The following NSUN6 variants were observed in gnomAD, a reference collection of about 807,000 sequenced individuals.
NSUN6 encodes NOP2/Sun RNA methyltransferase 6.
In NSUN6, 64 loss-of-function variants were observed where a neutral mutation model predicts 58.0. The observed-to-expected ratio is 1.10, with a 90% CI of 0.90 to 1.36. The LOEUF (loss-of-function observed/expected upper bound fraction) is 1.36, where lower values mean the gene tolerates loss of function less well. Ranked by LOEUF, NSUN6 falls within the 40% of genes most tolerant of loss-of-function variation. The probability of loss-of-function intolerance (pLI) is 0.00; values close to 1 mark genes in which losing one functional copy is unlikely to be tolerated. For missense variants in NSUN6, 701 were observed against 550.1 expected (o/e 1.27, Z -2.74); for synonymous variants, 231 against 193.9 (o/e 1.19, Z -1.59).
chr10:18,598,068 T>C (rs1276897685), intron 6 of NSUN6, among the ~76,000 whole-genome samples: 1 of 152,166 alleles, frequency 6.6e-6, no homozygotes, highest in Non-Finnish European at 1.5e-5. Context: ...GAAGTGAAAT[T>C]AGCTTTAACT....
At position 18,583,312 on chromosome 10, in the gene NSUN6, C is replaced by G. The variant is rs531160382; in HGVS notation, c.922+2637G>C. The stretch of plus-strand genomic sequence containing the variant: ...ATAAGGCAACCCCTTCCTTATCTCC[C>G]TTTGCTGACTCCCTTTTCGGACTCA... On this transcript the variant is annotated intron_variant, in intron 8 of 10. Coordinates refer to ENST00000377304, the MANE Select transcript of NSUN6 (RefSeq NM_182543.5). 5.9e-5 allele frequency among the ~76,000 whole-genome samples: 9 copies of G among 152,278 alleles called. No homozygotes were observed. The East Asian group carries it at 1.7e-3, about 29-fold the overall frequency.
intron 3 of NSUN6, among the ~76,000 whole-genome samples, chr10:18,625,233 G>C (rs914486009): frequency 6.6e-6 from 1 of 152,114 alleles, no homozygotes; most frequent in Non-Finnish European, 1.5e-5. Context: ...GTGAGTCTTA[G>C]CCAATCACTA....
chr10:18,601,801 T>C (rs1006090184), intron 6 of NSUN6, among the ~76,000 whole-genome samples: 8 of 151,692 alleles, frequency 5.3e-5, no homozygotes, highest in Non-Finnish European at 1.2e-4. Flanking sequence ...GCCAACATGG[T>C]CCCCATCTCT....
At chr10:18,551,245 TGTGTGTGTGTG>T (rs1271681553) in intron 9 of NSUN6, among the ~76,000 whole-genome samples, 137 of 5,806 alleles carry the variant, frequency 0.024, no homozygotes, top group Non-Finnish European at 0.028. Context: ...TCCTCTCAGT[TGTGTGTGTGTG>T]TGTGTGTGTG....
At chr10:18,635,861 A>T (rs545919014) in intron 3 of NSUN6, among the ~76,000 whole-genome samples, 36 of 145,172 alleles carry the variant, frequency 2.5e-4, no homozygotes, top group African/African-American at 2.5e-4. Flanking sequence ...GTTTTTTTTA[A>T]AAAAAAAAGA....
chr10:18,630,727 G>A (rs1209608316), intron 3 of NSUN6, among the ~76,000 whole-genome samples: 4 of 152,144 alleles, frequency 2.6e-5, no homozygotes, highest in African/African-American at 7.2e-5. Context: ...TCTCTGAATA[G>A]ACCAATAACA....
intron 7 of NSUN6, among the ~76,000 whole-genome samples, chr10:18,587,530 T>C (rs1426387099): frequency 1.3e-5 from 2 of 152,122 alleles, no homozygotes; most frequent in Non-Finnish European, 2.9e-5. Flanking sequence ...CTCCAGTCTG[T>C]AGCTCCCAGC....
chr10:18,558,361 G>T (rs375167850), intron 8 of NSUN6, among the ~76,000 whole-genome samples: 2 of 151,136 alleles, frequency 1.3e-5, no homozygotes, highest in Non-Finnish European at 3.0e-5. Context: ...AATGGAGAAT[G>T]GAATGGAGTG....
chr10:18,647,742 T>TTG, intron 2 of NSUN6, among the ~76,000 whole-genome samples: 1 of 144,446 alleles, frequency 6.9e-6, no homozygotes. Flanking sequence ...TTTTTTTTTT[T>TTG]TTTTTTTTTT....
Position 18,651,581 on chromosome 10 carries a change from T to C in NSUN6, c.-378A>G. On this transcript the variant is annotated 5_prime_UTR_variant, in exon 1 of 11. Coordinates refer to ENST00000377304, the MANE Select transcript of NSUN6 (RefSeq NM_182543.5). ...GACAGCAGCTCGGTCCCTTTATCTT[T>C]TCTATCAATTTCCAAACACGCGCCC... The C allele has an allele frequency of 3.0e-6, 3 of 991,562 alleles. No individual in the cohort carries two copies. The highest frequency in any genetic ancestry group is 2.4e-6 in the Non-Finnish European group (2 of 834,230). The allele number at this position is 991,562 out of a possible 1,614,324, so 61.4% of individuals were successfully genotyped here.
At chr10:18,622,191 T>C (rs537811668) in intron 3 of NSUN6, among the ~76,000 whole-genome samples, 75 of 152,230 alleles carry the variant, frequency 4.9e-4, no homozygotes, top group Middle Eastern at 3.4e-3. Context: ...GGTAATTAGT[T>C]ATGAGGGTAG....
chr10:18,640,662 A>G (rs1383808204), intron 3 of NSUN6, among the ~76,000 whole-genome samples: 1 of 152,118 alleles, frequency 6.6e-6, no homozygotes, highest in Non-Finnish European at 1.5e-5. Context: ...CTCTATCTTG[A>G]CTGGGGTGGG....
chr10:18,584,997 TAAAAA>T (rs35061759), intron 8 of NSUN6, among the ~76,000 whole-genome samples: 1 of 143,532 alleles, frequency 7.0e-6, no homozygotes, highest in African/African-American at 2.5e-5. Flanking sequence ...AGAGACCTAT[TAAAAA>T]AAAAAAAAGA....
At chr10:18,611,620 A>G (rs183943474) in intron 5 of NSUN6, among the ~76,000 whole-genome samples, 1 of 152,178 alleles carries the variant, frequency 6.6e-6, no homozygotes, top group East Asian at 1.9e-4. Flanking sequence ...GCCTCTAACT[A>G]CTGGGTTCAA....
intron 3 of NSUN6, among the ~76,000 whole-genome samples, chr10:18,641,762 G>A (rs553259299): frequency 6.6e-6 from 1 of 152,246 alleles, no homozygotes; most frequent in South Asian, 2.1e-4. Context: ...TAACATAATT[G>A]TTGAATTATG....
At chr10:18,546,674 T>G (rs2054282216) in intron 10 of NSUN6, among the ~76,000 whole-genome samples, 1 of 152,052 alleles carries the variant, frequency 6.6e-6, no homozygotes, top group Non-Finnish European at 1.5e-5. Context: ...GGTCAGGAGT[T>G]CAAGACCAGC....
intron 9 of NSUN6, among the ~76,000 whole-genome samples, chr10:18,551,293 G>GTGTGTGTGTGT (rs1554848038): frequency 1.3e-4 from 7 of 54,062 alleles, no homozygotes; most frequent in East Asian, 1.8e-3. Context: ...TGTGTGTGTG[G>GTGTGTGTGTGT]TAAAATATAA....
At chr10:18,644,330 T>C (rs2059475894) in intron 2 of NSUN6, among the ~76,000 whole-genome samples, 1 of 152,100 alleles carries the variant, frequency 6.6e-6, no homozygotes, top group South Asian at 2.1e-4. Context: ...AAGTAGAAAA[T>C]TCCATACTTG....
At chr10:18,620,441 A>T (rs1325199442) in intron 3 of NSUN6, among the ~76,000 whole-genome samples, 1 of 152,170 alleles carries the variant, frequency 6.6e-6, no homozygotes, top group Non-Finnish European at 1.5e-5. Flanking sequence ...TGGTACAAAA[A>T]AATCTTCATA....
Sources: allele counts gnomAD v4.1 joint callset (sites outside exome capture counted in the v4.1 genomes callset), GRCh38; gene constraint gnomAD v4.1.1; transcripts MANE v1.5; gene names NCBI Gene and HGNC (gene_info 2026-07-23, HGNC 2026-07-21).